BLK: variants seen among roughly 807,000 people sequenced by gnomAD.
BLK encodes the protein BLK proto-oncogene, Src family tyrosine kinase, also known as tyrosine-protein kinase Blk.
BLK carries 64 observed loss-of-function variants against 61.8 expected under a neutral mutation model. That is an observed-to-expected ratio of 1.03 (90% confidence interval 0.85 to 1.27). The LOEUF is 1.27. Among genes scored for constraint, BLK ranks in the 50% most tolerant of loss-of-function variants. The pLI is 0.00. For synonymous variants in BLK, 351 were observed against 272.0 expected, an observed-to-expected ratio of 1.29 and a Z score of -2.86; for missense variants, 853 against 660.5, an observed-to-expected ratio of 1.29 and a Z score of -3.19.
At position 11,562,968 on chromosome 8, in the gene BLK, T is replaced by G. The variant is rs1351324313; in HGVS notation, c.1181-11T>G. On this transcript the variant is annotated splice_polypyrimidine_tract_variant and intron_variant, in intron 11 of 12. Transcript: ENST00000259089. Reference sequence around the variant, plus strand: ...CGTGGCCTCCCAAAGCTTGCATGGCTTTTCCCACAGGGGCCAAGTTCCCCA... The same window carrying G: ...CGTGGCCTCCCAAAGCTTGCATGGCGTTTCCCACAGGGGCCAAGTTCCCCA... The G allele has an allele frequency of 4.3e-6, 7 of 1,613,826 alleles. No homozygotes were observed. Among genetic ancestry groups the G allele is most frequent in the Non-Finnish European group, 5.9e-6 (7 of 1,179,878 alleles).
intron 10 of BLK, chr8:11,559,814 C>G (rs1801407040): frequency 4.4e-6 from 2 of 456,092 alleles, no homozygotes; most frequent in African/African-American, 4.0e-5. Flanking sequence ...ATCCATGGCT[C>G]AAGCGTAATG....
chr8:11,501,183 G>A (rs1007635220), intron 1 of BLK, among the ~76,000 whole-genome samples: 4 of 151,932 alleles, frequency 2.6e-5, no homozygotes, highest in East Asian at 1.9e-4. Flanking sequence ...CAGCTTGGAC[G>A]ACAGAGTGAA....
chr8:11,558,662 T>C (rs7011778), intron 10 of BLK: 253,291 of 455,976 alleles, frequency 0.56, 74,055 homozygotes, highest in Non-Finnish European at 0.62. Flanking sequence ...CATGCAGAAC[T>C]TTCTGGACTC....
At chr8:11,517,486 T>C (rs969452863) in intron 1 of BLK, among the ~76,000 whole-genome samples, 1 of 152,214 alleles carries the variant, frequency 6.6e-6, no homozygotes, top group Non-Finnish European at 1.5e-5. Flanking sequence ...CTTTTTGGCT[T>C]GAGCCTCCCA....
intron 1 of BLK, among the ~76,000 whole-genome samples, chr8:11,542,017 T>A (rs1026088052): frequency 2.6e-5 from 4 of 152,240 alleles, no homozygotes; most frequent in Non-Finnish European, 5.9e-5. Context: ...AATTTTTCGC[T>A]TCTGTGGCTT....
Position 11,506,640 on chromosome 8 carries a change from G to C in BLK, c.-2+12049G>C, listed in dbSNP as rs572335555. ...TTCAGGGTCTTCATACCTTTCTCCA[G>C]GGTGGGGTCTAAGTTCTGGGAGCCT... On this transcript the variant is annotated intron_variant, in intron 1 of 12. Coordinates refer to ENST00000259089, the MANE Select transcript of BLK (RefSeq NM_001715.3). Among the ~76,000 whole-genome samples, 5 of 152,330 alleles carry C rather than the reference G, an allele frequency of 3.3e-5. No individual in the cohort carries two copies. The South Asian group carries it at 1.0e-3, about 32-fold the overall frequency.
chr8:11,543,261 A>C lies in BLK; in HGVS notation c.37A>C (p.Lys13Gln), dbSNP rs776718947. The C allele has an allele frequency of 6.2e-7, 1 of 1,614,032 alleles. No homozygotes were observed. The highest frequency in any genetic ancestry group is 1.1e-5 in the South Asian group (1 of 91,072). The change falls in exon 2 of 13, where the codon AAG becomes CAG. Residue 13 changes from lysine (K) to glutamine (Q), a missense_variant. Transcript: ENST00000259089. The stretch of plus-strand genomic sequence containing the variant: ...AAGTAGCAAAAAGCCGGACAAGGAA[A>C]AGCCGATCAAAGAGAAGGACAAGGG... ...LVSSKKPDKE[K>Q]PIKEKDKGQW...
chr8:11,564,168 C>T lies in BLK; in HGVS notation c.*60C>T. On this transcript the variant is annotated 3_prime_UTR_variant, in exon 13 of 13. Coordinates refer to ENST00000259089, the MANE Select transcript of BLK (RefSeq NM_001715.3). ...TGCGCGGACGACCCCGACTTCCGTG[C>T]CATCCCAGACGGGCCGCGAAGGCGG... The T allele has an allele frequency of 6.6e-7, 1 of 1,516,442 alleles. No homozygotes were observed. The highest frequency in any genetic ancestry group is 1.2e-5 in the South Asian group (1 of 83,532). The allele number at this position is 1,516,442 out of a possible 1,614,324, so 93.9% of individuals were successfully genotyped here.
At chr8:11,561,151 G>A (rs572146890) in intron 10 of BLK, 151 bp from the exon 11 acceptor site, 34 of 1,148,126 alleles carry the variant, frequency 3.0e-5, no homozygotes, top group Middle Eastern at 3.8e-4. Context: ...GAGTTTATTC[G>A]GCTGAGGAGC....
intron 1 of BLK, among the ~76,000 whole-genome samples, chr8:11,498,740 G>A (rs1220164387): frequency 6.6e-6 from 1 of 152,134 alleles, no homozygotes; most frequent in East Asian, 1.9e-4. Flanking sequence ...TACCTGTCTC[G>A]GGTAGGTTAA....
chr8:11,535,304 GAAAGAAAGAAAGAAAGA>G (rs1260042544), intron 1 of BLK, among the ~76,000 whole-genome samples: 1 of 144,208 alleles, frequency 6.9e-6, no homozygotes, highest in Non-Finnish European at 1.5e-5. Flanking sequence ...AAGAAAGAAA[GAAAGAAAGAAAGAAAGA>G]AAGAGAAGGA....
Position 11,554,878 on chromosome 8 carries a change from A to G in BLK, c.608A>G (p.Gln203Arg). The G allele has an allele frequency of 6.2e-7, 1 of 1,613,416 alleles. No individual in the cohort carries two copies. Among genetic ancestry groups the G allele is most frequent in the East Asian group, 2.2e-5 (1 of 44,860 alleles). ...TTCCCCTCGCTCCAGGCCCTGGTGCAGCACTATTCTAGTAAGAGGGGGCGT... is the reference window on the plus strand; with the variant it reads ...TTCCCCTCGCTCCAGGCCCTGGTGCGGCACTATTCTAGTAAGAGGGGGCGT... ...ITFPSLQALV[Q>R]HYSKKGDGLC... The change falls in exon 7 of 13, where the codon CAG becomes CGG. Residue 203 changes from glutamine to arginine, a missense_variant. Transcript: ENST00000259089.
intron 1 of BLK, among the ~76,000 whole-genome samples, chr8:11,530,109 A>G (rs1368272420): frequency 6.6e-6 from 1 of 152,250 alleles, no homozygotes. Flanking sequence ...AATTATTTAC[A>G]TAAAGTGCAG....
At chr8:11,562,548 C>T (rs1801540790) in intron 11 of BLK, among the ~76,000 whole-genome samples, 1 of 152,188 alleles carries the variant, frequency 6.6e-6, no homozygotes, top group African/African-American at 2.4e-5. Flanking sequence ...CTCGGAGGTA[C>T]AAGTGTCACC....
chr8:11,564,027 G>C lies in BLK; in HGVS notation c.1437G>C (p.Glu479Asp). The C allele has an allele frequency of 6.2e-7, 1 of 1,604,726 alleles. No homozygotes were observed. Among genetic ancestry groups the C allele is most frequent in the Non-Finnish European group, 8.5e-7 (1 of 1,178,838 alleles). ...AGTGCTGGCGCAGCCGGCCCGAGGAGCGGCCCACCTTCGAGTTCCTGCAGT... is the reference window on the plus strand; with the variant it reads ...AGTGCTGGCGCAGCCGGCCCGAGGACCGGCCCACCTTCGAGTTCCTGCAGT... ...IAECWRSRPEERPTFEFLQSV... is the reference protein window; with the variant it reads ...IAECWRSRPEDRPTFEFLQSV... Residue 479 changes from glutamate (E) to aspartate (D), a missense_variant, in exon 13 of 13, where the codon GAG becomes GAC. Glu to Asp is a conservative substitution (Grantham distance 45, BLOSUM62 2). Coordinates refer to ENST00000259089, the MANE Select transcript of BLK (RefSeq NM_001715.3).
At chr8:11,517,727 C>A (rs966221418) in intron 1 of BLK, among the ~76,000 whole-genome samples, 1 of 152,190 alleles carries the variant, frequency 6.6e-6, no homozygotes, top group African/African-American at 2.4e-5. Context: ...CCCAGCCAAG[C>A]CAGAGGCTTA....
intron 1 of BLK, among the ~76,000 whole-genome samples, chr8:11,516,433 C>T (rs562378655): frequency 1.3e-5 from 2 of 152,328 alleles, no homozygotes; most frequent in African/African-American, 2.4e-5. Context: ...CGCCCTATTG[C>T]TGTCTCTCCC....
At chr8:11,550,451 G>T (rs571297859) in intron 6 of BLK, among the ~76,000 whole-genome samples, 189 bp downstream of exon 6, 1 of 152,252 alleles carries the variant, frequency 6.6e-6, no homozygotes, top group Non-Finnish European at 1.5e-5. Context: ...AGTCCTCCCT[G>T]TCCCGGCTGG....
intron 10 of BLK, 125 bp downstream of exon 10, chr8:11,558,163 C>A: frequency 1.1e-6 from 1 of 915,538 alleles, no homozygotes; most frequent in Non-Finnish European, 1.7e-6. Flanking sequence ...TGAAGGCCAC[C>A]TTCCTCTAGG....
Sources: allele counts gnomAD v4.1 joint callset (sites outside exome capture counted in the v4.1 genomes callset), GRCh38; gene constraint gnomAD v4.1.1; transcripts MANE v1.5; gene names NCBI Gene and HGNC (gene_info 2026-07-23, HGNC 2026-07-21).